The following NCOA7 variants were observed in gnomAD, a reference collection of about 807,000 sequenced individuals.
NCOA7 encodes 140 kDa estrogen receptor-associated protein.
Under a neutral mutation model 104.3 loss-of-function variants are expected in NCOA7, and 45 were observed. The ratio of observed to expected loss-of-function variants is 0.43; its 90% CI spans 0.34 to 0.55. The LOEUF (loss-of-function observed/expected upper bound fraction) is 0.55. NCOA7 is among the 20% of genes least tolerant of loss of function. The probability of loss-of-function intolerance (pLI) is 0.02; values close to 1 mark genes in which losing one functional copy is unlikely to be tolerated. For missense variants in NCOA7, 1,041 were observed against 1,119.7 expected, an observed-to-expected ratio of 0.93 and a Z score of 1.00; for synonymous variants, 398 against 402.3, an observed-to-expected ratio of 0.99 and a Z score of 0.13.
chr6:125,848,802 AAAT>A (rs1205653004), intron 2 of NCOA7, among the ~76,000 whole-genome samples: 1 of 152,214 alleles, frequency 6.6e-6, no homozygotes, highest in East Asian at 1.9e-4. Context: ...GTATAATAAA[AAAT>A]AAATAAATAA....
intron 2 of NCOA7, among the ~76,000 whole-genome samples, chr6:125,838,887 A>C (rs762216382): frequency 6.6e-6 from 1 of 151,920 alleles, no homozygotes; most frequent in Non-Finnish European, 1.5e-5. Context: ...GAACAGCCCA[A>C]TGGAAGAGAG....
chr6:125,820,625 C>T (rs966211692), intron 2 of NCOA7, among the ~76,000 whole-genome samples: 2 of 151,840 alleles, frequency 1.3e-5, no homozygotes, highest in African/African-American at 4.9e-5. Flanking sequence ...GGGTAATATA[C>T]GAACAGTACC....
chr6:125,916,352 A>G (rs1787085700), intron 11 of NCOA7, among the ~76,000 whole-genome samples: 1 of 152,202 alleles, frequency 6.6e-6, no homozygotes, highest in Non-Finnish European at 1.5e-5. Context: ...TTCAGGTAGC[A>G]TCTTTATAGC....
intron 13 of NCOA7, among the ~76,000 whole-genome samples, chr6:125,925,263 T>C (rs898335617): frequency 9.2e-5 from 14 of 152,164 alleles, no homozygotes; most frequent in Admixed American, 3.3e-4. Context: ...AAGGGCACTC[T>C]AGAAAACAAT....
chr6:125,901,285 C>T (rs1294789366), intron 10 of NCOA7, among the ~76,000 whole-genome samples: 2 of 152,118 alleles, frequency 1.3e-5, no homozygotes, highest in Non-Finnish European at 2.9e-5. Context: ...AAGTGAGTTT[C>T]GGGATTATAT....
chr6:125,822,258 G>A (rs576210976), intron 2 of NCOA7, among the ~76,000 whole-genome samples: 261 of 152,240 alleles, frequency 1.7e-3, no homozygotes, highest in African/African-American at 5.9e-3. Flanking sequence ...TACATAAAAC[G>A]CAAATAGAAC....
At chr6:125,905,368 T>C (rs920527399) in intron 10 of NCOA7, among the ~76,000 whole-genome samples, 4 of 151,850 alleles carry the variant, frequency 2.6e-5, no homozygotes, top group Admixed American at 6.6e-5. Context: ...GTGATTCTTC[T>C]GCCTCAGCCT....
intron 1 of NCOA7, among the ~76,000 whole-genome samples, chr6:125,783,956 T>C (rs953290982): frequency 6.6e-6 from 1 of 152,250 alleles, no homozygotes; most frequent in African/African-American, 2.4e-5. Context: ...TTCCATATCA[T>C]TGGGCATTTA....
intron 7 of NCOA7, among the ~76,000 whole-genome samples, chr6:125,884,697 A>C (rs981605610): frequency 6.6e-6 from 1 of 152,196 alleles, no homozygotes. Flanking sequence ...ATTCTTTGGC[A>C]CTGTAACTCT....
intron 2 of NCOA7, among the ~76,000 whole-genome samples, chr6:125,829,497 A>G (rs1333854396): frequency 6.6e-6 from 1 of 152,234 alleles, no homozygotes; most frequent in South Asian, 2.1e-4. Flanking sequence ...ACATCGGTGT[A>G]GGAACTTGAT....
chr6:125,786,053 C>G (rs1774450696), upstream of NCOA7: 1 of 152,144 alleles, frequency 6.6e-6, no homozygotes, highest in Non-Finnish European at 1.5e-5. Context: ...TCATAATTAA[C>G]CAGTAGACAA....
At chr6:125,858,324 T>C (rs1039592069) in intron 3 of NCOA7, among the ~76,000 whole-genome samples, 4 of 152,166 alleles carry the variant, frequency 2.6e-5, no homozygotes, top group Middle Eastern at 3.4e-3. Context: ...AGAAGTATCC[T>C]GTGATTTATC....
chr6:125,876,239 T>C (rs1382809662), intron 4 of NCOA7, among the ~76,000 whole-genome samples: 1 of 152,226 alleles, frequency 6.6e-6, no homozygotes, highest in Non-Finnish European at 1.5e-5. Context: ...TAGAGTCACA[T>C]TGAAGATCTC....
At chr6:125,863,557 G>A (rs1465542974) in intron 3 of NCOA7, among the ~76,000 whole-genome samples, 5 of 138,120 alleles carry the variant, frequency 3.6e-5, no homozygotes, top group African/African-American at 1.2e-4. Flanking sequence ...GTACAGTCAG[G>A]GGTTTTAAGC....
chr6:125,919,657 T>C (rs544446877), intron 11 of NCOA7, among the ~76,000 whole-genome samples: 2 of 147,928 alleles, frequency 1.4e-5, no homozygotes, highest in South Asian at 2.1e-4. Context: ...ATTTTATACT[T>C]GTGATAAACA....
intron 3 of NCOA7, among the ~76,000 whole-genome samples, chr6:125,868,745 A>C (rs1159061889): frequency 6.6e-6 from 1 of 152,228 alleles, no homozygotes; most frequent in East Asian, 1.9e-4. Flanking sequence ...TTTCTTTGAA[A>C]AATCTATAGA....
intron 10 of NCOA7, among the ~76,000 whole-genome samples, chr6:125,893,677 G>T (rs946519266): frequency 6.6e-6 from 1 of 152,056 alleles, no homozygotes; most frequent in Admixed American, 6.6e-5. Context: ...CTTTGTTTTG[G>T]GTAGGTGTTT....
At chr6:125,800,881 G>A (rs1397888151) in intron 1 of NCOA7, among the ~76,000 whole-genome samples, 1 of 152,186 alleles carries the variant, frequency 6.6e-6, no homozygotes. Flanking sequence ...ACAAAAATTA[G>A]GCAGGTGTCG....
chr6:125,801,267 G>C (rs1426512475), intron 1 of NCOA7, among the ~76,000 whole-genome samples: 1 of 152,112 alleles, frequency 6.6e-6, no homozygotes, highest in Non-Finnish European at 1.5e-5. Context: ...TGCTTGAATT[G>C]TCTCCTGGGC....
Sources: gnomAD v4.1 joint callset for allele counts (sites outside exome capture counted in the v4.1 genomes callset) on GRCh38, gnomAD v4.1.1 for gene constraint, MANE v1.5 for transcripts, NCBI Gene and HGNC (gene_info 2026-07-23, HGNC 2026-07-21) for gene names.